The following CACNA1I variants were observed in gnomAD, a reference collection of about 807,000 sequenced individuals.
CACNA1I encodes calcium voltage-gated channel subunit alpha1 I.
A neutral mutation model predicts 201.6 loss-of-function variants in CACNA1I; 74 were observed. That is an observed-to-expected ratio of 0.37 (90% CI 0.30 to 0.45). The LOEUF is 0.45. CACNA1I is among the 20% of genes least tolerant of loss of function. The pLI is 1.00. For missense variants in CACNA1I, 2,346 were observed against 3,138.1 expected (o/e 0.75, Z 6.03); for synonymous variants, 1,431 against 1,345.2 (o/e 1.06, Z -1.40).
At chr22:39,598,582 C>G (rs979804611) in intron 2 of CACNA1I, among the ~76,000 whole-genome samples, 1 of 151,990 alleles carries the variant, frequency 6.6e-6, no homozygotes, top group Non-Finnish European at 1.5e-5. Context: ...CTTCTCCTAC[C>G]CGGGTGCCCC....
At chr22:39,655,523 T>C (rs946916875) in intron 10 of CACNA1I, among the ~76,000 whole-genome samples, 5 of 152,122 alleles carry the variant, frequency 3.3e-5, no homozygotes, top group African/African-American at 1.2e-4. Flanking sequence ...TCTTTTTGTG[T>C]CTCTTTCTGG....
chr22:39,646,302 T>C (rs1934483160), intron 7 of CACNA1I, among the ~76,000 whole-genome samples: 1 of 152,062 alleles, frequency 6.6e-6, no homozygotes, highest in African/African-American at 2.4e-5. Flanking sequence ...GAGCCCGTCT[T>C]ACTCTCTTTG....
In CACNA1I at chr22:39,665,251, G is replaced by A. The variant is rs1187204814; in HGVS notation, c.3852-247G>A. ...TGGGCACAGTGAGGGGTGAGGGCAC[G>A]TACCCTGCTGCTGCTGTAGATCTGA... On this transcript the variant is annotated intron_variant, in intron 21 of 36. Coordinates refer to ENST00000402142, the MANE Select transcript of CACNA1I (RefSeq NM_021096.4). The surrounding 1 kb of genome is among the most constrained non-coding windows in gnomAD (Gnocchi z 5.5). Among the ~76,000 whole-genome samples, 4 of 152,128 alleles carry A rather than the reference G, an allele frequency of 2.6e-5. No homozygotes were observed. Among genetic ancestry groups the A allele is most frequent in the Admixed American group, 6.5e-5 (1 of 15,278 alleles).
intron 10 of CACNA1I, 110 bp downstream of exon 10, chr22:39,650,035 C>T: frequency 8.4e-7 from 1 of 1,183,820 alleles, no homozygotes. Flanking sequence ...TGTCTGTCCA[C>T]CTAGAAGTGC....
intron 23 of CACNA1I, 42 bp from the exon 24 acceptor site, chr22:39,668,250 C>T: frequency 7.9e-7 from 1 of 1,265,318 alleles, no homozygotes; most frequent in Admixed American, 1.7e-5. Context: ...TGGAGTCACT[C>T]ACAGTCCTCA....
At chr22:39,586,216 G>A (rs763070471) in intron 1 of CACNA1I, among the ~76,000 whole-genome samples, 1 of 151,770 alleles carries the variant, frequency 6.6e-6, no homozygotes, top group Non-Finnish European at 1.5e-5. Flanking sequence ...CTGGCTGGGT[G>A]TTGTGGCTTA....
chr22:39,679,397 G>A lies in CACNA1I; in HGVS notation c.5346G>A (p.Gly1782=), dbSNP rs1935618712. ...GAGGGCCGGGAGGGGCGGGCGGCGG[G>A]GGCGACACCGAGGGCGGCTTGTGCC... The part of the protein sequence containing the change: ...PGRGPGGAGG[G]GDTEGGLCRR... The change falls in exon 32 of 37, where the codon GGG becomes GGA. Residue 1782 remains glycine, a synonymous_variant. Coordinates refer to ENST00000402142, the MANE Select transcript of CACNA1I (RefSeq NM_021096.4). The A allele has an allele frequency of 6.8e-7, 1 of 1,464,856 alleles. No individual in the cohort carries two copies. The highest frequency in any genetic ancestry group is 2.8e-5 in the Admixed American group (1 of 36,182). The allele number at this position is 1,464,856 out of a possible 1,614,324, so 90.7% of individuals were successfully genotyped here.
Position 39,682,484 on chromosome 22 carries a change from C to T in CACNA1I, c.5665-12C>T. 2 of 1,612,292 alleles carry T rather than the reference C, an allele frequency of 1.2e-6. No individual in the cohort carries two copies. Among genetic ancestry groups the T allele is most frequent in the East Asian group, 2.2e-5 (1 of 44,864 alleles). ...CCCAGTCCTGCCCCATCCTACCTCC[C>T]TTTCCTTGCAGGGTGAGCTGGACCC... On this transcript the variant is annotated splice_polypyrimidine_tract_variant and intron_variant, in intron 34 of 36. Transcript: ENST00000402142.
chr22:39,674,735 G>A (rs1846536326), intron 29 of CACNA1I, among the ~76,000 whole-genome samples: 1 of 114,784 alleles, frequency 8.7e-6, no homozygotes, highest in Non-Finnish European at 1.7e-5. Flanking sequence ...TCTCAGCTGA[G>A]CCTCAGGCAC....
In CACNA1I at chr22:39,649,188, G is replaced by A. The variant is rs182243188; in HGVS notation, c.1568-313G>A. 2.3e-3 allele frequency among the ~76,000 whole-genome samples: 350 copies of A among 152,362 alleles called. No homozygotes were observed. Among genetic ancestry groups the A allele is most frequent in the Non-Finnish European group, 3.8e-3 (261 of 68,032 alleles). ...CTGTTCCATGCTGACCCAGGGCCTAGGCCAGGAGGGATGGCCGGTCAGCAC... is the reference window on the plus strand; with the variant it reads ...CTGTTCCATGCTGACCCAGGGCCTAAGCCAGGAGGGATGGCCGGTCAGCAC... On this transcript the variant is annotated intron_variant, in intron 9 of 36. Transcript: ENST00000402142. The surrounding 1 kb of genome is among the most constrained non-coding windows in gnomAD (Gnocchi z 7.3).
Position 39,660,344 on chromosome 22 carries a change from G to C in CACNA1I, c.2605G>C (p.Gly869Arg). Residue 869 changes from glycine (G) to arginine (R), a missense_variant and splice_region_variant, in exon 15 of 37, where the codon GGT (glycine) becomes CGT (arginine). By Grantham distance (125) the Gly-to-Arg change is moderately radical (BLOSUM62 -2). Around this residue, in one of 13 missense-constraint regions of CACNA1I, gnomAD observed 92 missense variants for 114.5 expected, o/e 0.80. Transcript: ENST00000402142. ...AILVEGFQAE[G>R]DANRSYSDED... ...TCTAACGTGACGGATGCTCTCCCAGGGTGACGCCAATCGCTCCTACTCGGA... is the reference window on the plus strand; with the variant it reads ...TCTAACGTGACGGATGCTCTCCCAGCGTGACGCCAATCGCTCCTACTCGGA... 6.2e-7 allele frequency: 1 copy of C among 1,611,710 alleles called. No individual in the cohort carries two copies. Among genetic ancestry groups the C allele is most frequent in the Non-Finnish European group, 8.5e-7 (1 of 1,178,960 alleles).
At position 39,663,894 on chromosome 22, in the gene CACNA1I, G is replaced by T. The variant is rs564404430; in HGVS notation, c.3597+53G>T. On this transcript the variant is annotated intron_variant, in intron 19 of 36. Coordinates refer to ENST00000402142, the MANE Select transcript of CACNA1I (RefSeq NM_021096.4). ...CAGGCGCCAGGCCAAGGGACAGCTC[G>T]CCAGGGCTGAGCAGGGCAGGGAGAC... 150 of 1,608,084 alleles carry T rather than the reference G, an allele frequency of 9.3e-5. No homozygotes were observed. The African/African-American group carries it at 1.9e-3, about 20-fold the overall frequency.
At chr22:39,615,153 G>A (rs948883436) in intron 3 of CACNA1I, among the ~76,000 whole-genome samples, 1 of 152,314 alleles carries the variant, frequency 6.6e-6, no homozygotes, top group South Asian at 2.1e-4. Flanking sequence ...GTGGAAAGAG[G>A]AGAAGGGGAG....
At chr22:39,671,179 T>C (rs1217954967) in intron 26 of CACNA1I, among the ~76,000 whole-genome samples, 2 of 152,046 alleles carry the variant, frequency 1.3e-5, no homozygotes, top group African/African-American at 4.8e-5. Context: ...GGAAGGTGGG[T>C]CAGGGAGGCA....
Position 39,642,708 on chromosome 22 carries a change from A to C in CACNA1I, c.1057-89A>C, listed in dbSNP as rs1441549268. On this transcript the variant is annotated intron_variant, in intron 6 of 36. Transcript: ENST00000402142. ...CAGCATGTGTGATGCGTTCTGGCACACAGTGGGGCCTCTGTCTGGGGCACT... is the reference window on the plus strand; with the variant it reads ...CAGCATGTGTGATGCGTTCTGGCACCCAGTGGGGCCTCTGTCTGGGGCACT... 3 of 830,886 alleles carry C rather than the reference A, an allele frequency of 3.6e-6. No individual in the cohort carries two copies. The Admixed American group carries it at 6.1e-5, about 17-fold the overall frequency. The allele number at this position is 830,886 out of a possible 1,614,324, so 51.5% of individuals were successfully genotyped here.
chr22:39,686,000 C>CG lies in CACNA1I; in HGVS notation c.6272dup (p.Ser2092LeufsTer186). On this transcript the variant is annotated frameshift_variant, in exon 37 of 37. Transcript: ENST00000402142. LOFTEE classifies it low-confidence loss of function (END_TRUNC). This position sits in a 1 kb window ranked among gnomAD's most constrained non-coding sequence, Gnocchi z 5.0. ...GGGCGCATCAGCGCAGCCACAGCAG[C>CG]GGGGGCTCCACCAGCCCGGGCTGCA... 2 of 1,243,892 alleles carry CG rather than the reference C, an allele frequency of 1.6e-6. No individual in the cohort carries two copies. The highest frequency in any genetic ancestry group is 2.0e-6 in the Non-Finnish European group (2 of 998,860). 77.1% of individuals were successfully genotyped at this position (1,243,892 alleles called of 1,614,324 possible).
intron 1 of CACNA1I, among the ~76,000 whole-genome samples, chr22:39,580,944 G>C (rs1454402999): frequency 3.3e-5 from 5 of 152,228 alleles, no homozygotes; most frequent in Non-Finnish European, 5.9e-5. Context: ...CCCCAGGCCT[G>C]TTCAGCCATG....
chr22:39,640,315 G>A lies in CACNA1I; in HGVS notation c.741-552G>A, dbSNP rs530303561. Among the ~76,000 whole-genome samples, 5 of 152,286 alleles carry A rather than the reference G, an allele frequency of 3.3e-5. No individual in the cohort carries two copies. In the South Asian group the frequency reaches 8.3e-4, roughly 25 times the overall value. On this transcript the variant is annotated intron_variant, in intron 5 of 36. Coordinates refer to ENST00000402142, the MANE Select transcript of CACNA1I (RefSeq NM_021096.4). ...GAGACAGGAGAATTGCTTGAACCCA[G>A]GAGGTGGAGGTTGCAGTGAGCCAAG...
intron 1 of CACNA1I, among the ~76,000 whole-genome samples, chr22:39,583,047 TCC>T: frequency 6.9e-6 from 1 of 145,646 alleles, no homozygotes; most frequent in Non-Finnish European, 1.5e-5. Context: ...CATCCATCCA[TCC>T]ATCCATCCAT....
Sources: allele counts gnomAD v4.1 joint callset (sites outside exome capture counted in the v4.1 genomes callset), GRCh38; gene constraint gnomAD v4.1.1; regional missense constraint gnomAD v4.1.1; non-coding constraint Gnocchi (gnomAD v3.1); transcripts MANE v1.5; gene names NCBI Gene and HGNC (gene_info 2026-07-23, HGNC 2026-07-21).